FGD3: variants seen among roughly 807,000 people sequenced by gnomAD.
FGD3 encodes FYVE, RhoGEF and PH domain containing 3, also known as FYVE, RhoGEF and PH domain-containing protein 3.
In FGD3, 45 loss-of-function variants were observed where a neutral mutation model predicts 71.8. The observed-to-expected ratio is 0.63, with a 90% CI of 0.49 to 0.80. The LOEUF is 0.80. FGD3 is among the 30% of genes least tolerant of loss of function. The pLI is 0.00. For synonymous variants in FGD3, 378 were observed against 392.8 expected, an observed-to-expected ratio of 0.96 and a Z score of 0.44; for missense variants, 844 against 951.5, an observed-to-expected ratio of 0.89 and a Z score of 1.49.
chr9:92,989,725 C>T (rs369353698), intron 3 of FGD3, among the ~76,000 whole-genome samples: 1 of 152,144 alleles, frequency 6.6e-6, no homozygotes, highest in Non-Finnish European at 1.5e-5. Context: ...CTCAGTAAAT[C>T]GGCACTTTAC....
intron 11 of FGD3, 123 bp downstream of exon 11, chr9:93,018,338 G>A: frequency 2.3e-6 from 2 of 868,842 alleles, no homozygotes; most frequent in African/African-American, 1.7e-5. Context: ...TGTTACTGAA[G>A]CACCAGGGTT....
At chr9:93,002,647 G>A (rs1017760322) in intron 3 of FGD3, among the ~76,000 whole-genome samples, 4 of 152,168 alleles carry the variant, frequency 2.6e-5, no homozygotes, top group Non-Finnish European at 4.4e-5. Flanking sequence ...TCTCTGAGCA[G>A]AAGGAGGGCC....
At chr9:92,955,184 G>T (rs1443262528) in intron 1 of FGD3, among the ~76,000 whole-genome samples, 1 of 152,186 alleles carries the variant, frequency 6.6e-6, no homozygotes, top group Non-Finnish European at 1.5e-5. Flanking sequence ...ACTCTGAGAT[G>T]ACGCTGAGGA....
chr9:92,984,043 G>A (rs150394404), intron 3 of FGD3, among the ~76,000 whole-genome samples: 1 of 152,332 alleles, frequency 6.6e-6, no homozygotes, highest in Non-Finnish European at 1.5e-5. Context: ...TAGGTTTGGA[G>A]CCTAGGACAT....
rs151317911 is a variant in FGD3 at position 93,010,517 on chromosome 9, AAGAGAC to A, written c.976+144_976+149del. On this transcript the variant is annotated intron_variant, in intron 7 of 17. Coordinates refer to ENST00000375482, the MANE Select transcript of FGD3 (RefSeq NM_001083536.2). ...GAGAGAAACAGAGAGACCAGAGGGAAAGAGACAGAGACAGAGGCAGGGGAGGGAGAG... is the reference window on the plus strand; with the variant it reads ...GAGAGAAACAGAGAGACCAGAGGGAAAGAGACAGAGGCAGGGGAGGGAGAG... 25 of 743,798 alleles carry A rather than the reference AAGAGAC, an allele frequency of 3.4e-5. No homozygotes were observed. The South Asian group carries it at 5.7e-4, about 17-fold the overall frequency. 46.1% of individuals were successfully genotyped at this position (743,798 alleles called of 1,614,324 possible).
chr9:93,007,730 A>G (rs1293406866), intron 6 of FGD3, among the ~76,000 whole-genome samples: 2 of 152,238 alleles, frequency 1.3e-5, no homozygotes, highest in Non-Finnish European at 2.9e-5. Context: ...AGGGCCAGGC[A>G]GGCTGTGGGG....
intron 3 of FGD3, among the ~76,000 whole-genome samples, chr9:92,985,620 G>A (rs1192161650): frequency 6.6e-6 from 1 of 151,996 alleles, no homozygotes; most frequent in Non-Finnish European, 1.5e-5. Flanking sequence ...CTGGGATTAC[G>A]GGTGTCAGCC....
chr9:93,032,445 C>G (rs745858356), intron 15 of FGD3: 15 of 273,744 alleles, frequency 5.5e-5, no homozygotes, highest in Middle Eastern at 1.1e-3. Context: ...ATTTGATTTG[C>G]GTTTCCCTGA....
At chr9:92,967,625 A>C (rs1272408211) in intron 1 of FGD3, among the ~76,000 whole-genome samples, 9 of 152,156 alleles carry the variant, frequency 5.9e-5, no homozygotes, top group Admixed American at 5.9e-4. Flanking sequence ...ACCAGGCTGG[A>C]GTGCAGTGGC....
chr9:93,004,119 C>T lies in FGD3; in HGVS notation c.662C>T (p.Thr221Met). ...CAGTTCCTGCTGCCGGAGCTGAAGACGCGGATCACGGAGGAGTGGTGAGTA... is the reference window on the plus strand; with the variant it reads ...CAGTTCCTGCTGCCGGAGCTGAAGATGCGGATCACGGAGGAGTGGTGAGTA... ...HGQFLLPELK[T>M]RITEEWDTNP... is the part of the protein sequence containing the mutation. The change falls in exon 5 of 18, where the codon ACG becomes ATG. Residue 221 changes from threonine to methionine, a missense_variant. Physicochemically the swap from Thr to Met is moderately conservative, Grantham distance 81 (BLOSUM62 -1). Coordinates refer to ENST00000375482, the MANE Select transcript of FGD3 (RefSeq NM_001083536.2). 6.2e-7 allele frequency: 1 copy of T among 1,614,038 alleles called. No individual in the cohort carries two copies. Among genetic ancestry groups the T allele is most frequent in the African/African-American group, 1.3e-5 (1 of 75,072 alleles).
In FGD3 at chr9:93,015,813, A is replaced by G; in HGVS notation, c.1259A>G (p.Asp420Gly). ...AAGTTCAGCGTCCGGGAGAAGATGG[A>G]CATCTCAGGCCTCCAGGTGGGTGAG... is the stretch of plus-strand genomic sequence containing the variant. ...GQKFSVREKMDISGLQVQDIV... is the reference protein window; with the variant it reads ...GQKFSVREKMGISGLQVQDIV... Residue 420 changes from aspartate to glycine, a missense_variant, in exon 10 of 18, where the codon GAC (aspartate) becomes GGC (glycine). By Grantham distance (94) the Asp-to-Gly change is moderately conservative. Transcript: ENST00000375482. The G allele has an allele frequency of 1.2e-6, 2 of 1,614,164 alleles. No individual in the cohort carries two copies. The highest frequency in any genetic ancestry group is 2.2e-5 in the South Asian group (2 of 91,080).
chr9:93,000,538 A>C (rs1440475050), intron 3 of FGD3, among the ~76,000 whole-genome samples: 1 of 152,182 alleles, frequency 6.6e-6, no homozygotes, highest in Non-Finnish European at 1.5e-5. Flanking sequence ...ATTTTTGAAT[A>C]ACAGTTTTAT....
Position 93,003,371 on chromosome 9 carries a change from CA to C in FGD3, c.543+358del, listed in dbSNP as rs1437636717. ...CTTGAACTCCTGACCTCAGGTGATC[CA>C]CCAGCCTCGGCCTCCCAAAGTCCTG... On this transcript the variant is annotated intron_variant, in intron 4 of 17. Coordinates refer to ENST00000375482, the MANE Select transcript of FGD3 (RefSeq NM_001083536.2). The surrounding 1 kb of genome is among the most constrained non-coding windows in gnomAD (Gnocchi z 4.1). Among the ~76,000 whole-genome samples, 1 of 152,194 alleles carries C rather than the reference CA, an allele frequency of 6.6e-6. No homozygotes were observed. Among genetic ancestry groups the C allele is most frequent in the Non-Finnish European group, 1.5e-5 (1 of 68,044 alleles).
chr9:93,022,442 C>A, intron 14 of FGD3, 53 bp downstream of exon 14: 3 of 1,584,836 alleles, frequency 1.9e-6, no homozygotes, highest in South Asian at 2.2e-5. Context: ...AGCAGGGGGT[C>A]AGACCAGGAT....
chr9:93,018,029 T>G (rs182601182), intron 10 of FGD3, 107 bp from the exon 11 acceptor site: 1 of 1,044,334 alleles, frequency 9.6e-7, no homozygotes. Context: ...GGCTGCAGGC[T>G]CACCTCTGTT....
At position 93,014,018 on chromosome 9, in the gene FGD3, G is replaced by A; in HGVS notation, c.1182+20G>A. 1 of 1,590,146 alleles carries A rather than the reference G, an allele frequency of 6.3e-7. No homozygotes were observed. Among genetic ancestry groups the A allele is most frequent in the Non-Finnish European group, 8.5e-7 (1 of 1,169,852 alleles). ...TTCCTGGTGAGCCTGGCCCCTGCCAGCCCAGCCGCAGAGCCTCCCTTGCCA... is the reference window on the plus strand; with the variant it reads ...TTCCTGGTGAGCCTGGCCCCTGCCAACCCAGCCGCAGAGCCTCCCTTGCCA... On this transcript the variant is annotated intron_variant, in intron 9 of 17. Coordinates refer to ENST00000375482, the MANE Select transcript of FGD3 (RefSeq NM_001083536.2).
chr9:92,986,493 T>C (rs1860191605), intron 3 of FGD3, among the ~76,000 whole-genome samples: 1 of 152,174 alleles, frequency 6.6e-6, no homozygotes, highest in South Asian at 2.1e-4. Flanking sequence ...TGGAAAGCCT[T>C]TATATGCTTA....
intron 5 of FGD3, among the ~76,000 whole-genome samples, chr9:93,004,661 T>A (rs1038503992): frequency 6.6e-6 from 1 of 152,058 alleles, no homozygotes; most frequent in African/African-American, 2.4e-5. Context: ...ACTCATCAGT[T>A]CCCCACGTTG....
chr9:92,994,242 A>G (rs952043907), intron 3 of FGD3, among the ~76,000 whole-genome samples: 3 of 152,084 alleles, frequency 2.0e-5, no homozygotes, highest in African/African-American at 7.2e-5. Context: ...TTTCATGTGT[A>G]TGTTGGCTGC....
Sources: allele counts gnomAD v4.1 joint callset (sites outside exome capture counted in the v4.1 genomes callset), GRCh38; gene constraint gnomAD v4.1.1; non-coding constraint Gnocchi (gnomAD v3.1); transcripts MANE v1.5; gene names NCBI Gene and HGNC (gene_info 2026-07-23, HGNC 2026-07-21).